The following TXNRD1 variants were observed in gnomAD, a reference collection of about 807,000 sequenced individuals.
TXNRD1 encodes thioredoxin reductase 1.
TXNRD1 carries 57 observed loss-of-function variants against 80.3 expected under a neutral mutation model. That is an observed-to-expected ratio of 0.71 (90% CI 0.57 to 0.89). TXNRD1 has a LOEUF of 0.89. Ranked by LOEUF, TXNRD1 falls within the 40% of genes least tolerant of loss-of-function variation. The probability of loss-of-function intolerance (pLI) is 0.00; values close to 1 mark genes in which losing one functional copy is unlikely to be tolerated. For missense variants in TXNRD1, 730 were observed against 803.0 expected (o/e 0.91, Z 1.10); for synonymous variants, 291 against 285.2 (o/e 1.02, Z -0.20).
intron 1 of TXNRD1, among the ~76,000 whole-genome samples, chr12:104,247,702 C>G (rs2033023500): frequency 6.6e-6 from 1 of 152,126 alleles, no homozygotes; most frequent in South Asian, 2.1e-4. Flanking sequence ...TCTTCTTAAT[C>G]ACAGAAGTTA....
chr12:104,235,658 A>T (rs986058738), intron 1 of TXNRD1, among the ~76,000 whole-genome samples: 2 of 152,162 alleles, frequency 1.3e-5, no homozygotes, highest in African/African-American at 4.8e-5. Context: ...AGCTGTAGAC[A>T]ATCTGGTGTG....
intron 4 of TXNRD1, among the ~76,000 whole-genome samples, chr12:104,289,981 G>C (rs929071121): frequency 6.6e-6 from 1 of 152,202 alleles, no homozygotes; most frequent in Admixed American, 6.5e-5. Context: ...CAGGACACCT[G>C]GGTGATGTTC....
At chr12:104,252,446 G>T (rs10861179) in intron 2 of TXNRD1, among the ~76,000 whole-genome samples, 101,457 of 150,728 alleles carry the variant, frequency 0.67, 34,713 homozygotes, top group Non-Finnish European at 0.74. Context: ...CAGCCAAGGG[G>T]AGGATTAGTT....
intron 3 of TXNRD1, among the ~76,000 whole-genome samples, chr12:104,258,836 A>G (rs546886478): frequency 6.6e-6 from 1 of 152,318 alleles, no homozygotes; most frequent in East Asian, 1.9e-4. Flanking sequence ...AGGCTGAGGC[A>G]GGAGGTTTGC....
At chr12:104,232,748 T>C (rs1487840267) in intron 1 of TXNRD1, among the ~76,000 whole-genome samples, 1 of 152,196 alleles carries the variant, frequency 6.6e-6, no homozygotes, top group Non-Finnish European at 1.5e-5. Context: ...TTTTCGGTGC[T>C]GCAAAGGAAA....
At chr12:104,237,568 G>C (rs922070471) in intron 1 of TXNRD1, among the ~76,000 whole-genome samples, 1 of 152,192 alleles carries the variant, frequency 6.6e-6, no homozygotes, top group African/African-American at 2.4e-5. Context: ...ACCCGGCCCT[G>C]TTCCTCCAAG....
intron 1 of TXNRD1, among the ~76,000 whole-genome samples, chr12:104,243,226 A>C (rs2032912190): frequency 1.3e-5 from 2 of 152,226 alleles, no homozygotes; most frequent in South Asian, 4.1e-4. Flanking sequence ...TATTAATTTC[A>C]ACACTAGAAA....
intron 3 of TXNRD1, among the ~76,000 whole-genome samples, chr12:104,281,407 TTTTTTTTTTTTC>T (rs1325136242): frequency 1.0e-4 from 8 of 79,806 alleles, no homozygotes; most frequent in African/African-American, 4.5e-4. Flanking sequence ...CACTTTTTTT[TTTTTTTTTTTTC>T]TTTTTGAGAT....
intron 6 of TXNRD1, 28 bp downstream of exon 6, chr12:104,313,345 A>G (rs765083167): frequency 2.0e-6 from 3 of 1,519,292 alleles, no homozygotes; most frequent in East Asian, 4.8e-5. Flanking sequence ...TCTAGAAGTG[A>G]TGTTGCCGAA....
chr12:104,290,720 C>CATATATAT (rs58669975), intron 4 of TXNRD1, among the ~76,000 whole-genome samples: 2,748 of 55,514 alleles, frequency 0.05, 237 homozygotes, highest in Non-Finnish European at 0.061. Flanking sequence ...AAGAAATATA[C>CATATATAT]ATATATATAT....
At chr12:104,310,101 T>C in intron 4 of TXNRD1, 1 of 1,513,214 alleles carries the variant, frequency 6.6e-7, no homozygotes. Flanking sequence ...TTTGGGCTGG[T>C]AAGTTTGGGG....
chr12:104,347,814 T>C (rs2036541476), intron 16 of TXNRD1, among the ~76,000 whole-genome samples: 1 of 152,156 alleles, frequency 6.6e-6, no homozygotes, highest in Non-Finnish European at 1.5e-5. Context: ...AATGGAAGAA[T>C]TAGCTATTTG....
chr12:104,287,346 G>A (rs748205032), intron 3 of TXNRD1: 3 of 1,614,022 alleles, frequency 1.9e-6, no homozygotes, highest in Non-Finnish European at 2.5e-6. Flanking sequence ...CATGTCATGT[G>A]GTAGGTGAGG....
At chr12:104,291,740 C>T (rs150388045) in intron 4 of TXNRD1, among the ~76,000 whole-genome samples, 4 of 152,308 alleles carry the variant, frequency 2.6e-5, no homozygotes, top group Non-Finnish European at 5.9e-5. Flanking sequence ...CTTCGGCCTT[C>T]CAAAGTGCTG....
chr12:104,342,926 G>A (rs1177970136), intron 16 of TXNRD1, among the ~76,000 whole-genome samples: 2 of 152,174 alleles, frequency 1.3e-5, no homozygotes, highest in African/African-American at 4.8e-5. Flanking sequence ...CGGAGGTGTG[G>A]CAGTGGAAAT....
intron 4 of TXNRD1, chr12:104,304,337 G>A (rs765172685): frequency 6.2e-7 from 1 of 1,614,040 alleles, no homozygotes; most frequent in Middle Eastern, 1.6e-4. Context: ...GATGGAAGGC[G>A]ATCCTGACAA....
chr12:104,305,095 T>A, intron 4 of TXNRD1: 1 of 757,910 alleles, frequency 1.3e-6, no homozygotes, highest in Non-Finnish European at 2.0e-6. Context: ...TCTTAGTAAT[T>A]TATAAGGTCA....
Position 104,331,556 on chromosome 12 carries a change from C to G in TXNRD1, c.1565C>G (p.Thr522Ser). The G allele has an allele frequency of 6.2e-7, 1 of 1,609,994 alleles. No individual in the cohort carries two copies. The highest frequency in any genetic ancestry group is 1.7e-5 in the Admixed American group (1 of 59,808). Residue 522 changes from threonine (T) to serine (S), a missense_variant, in exon 14 of 17, where the codon ACC (threonine) becomes AGC (serine). Coordinates refer to ENST00000525566, the MANE Select transcript of TXNRD1 (RefSeq NM_001093771.3). ...TVKCDYENVP[T>S]TVFTPLEYGA... ...CAGTGTGACTATGAAAATGTTCCAACCACTGTATTTACTCCTTTGGAATAT... is the reference window on the plus strand; with the variant it reads ...CAGTGTGACTATGAAAATGTTCCAAGCACTGTATTTACTCCTTTGGAATAT...
At chr12:104,217,325 T>TG (rs2135670238) in intron 1 of TXNRD1, among the ~76,000 whole-genome samples, 1 of 151,972 alleles carries the variant, frequency 6.6e-6, no homozygotes, top group African/African-American at 2.4e-5. Context: ...TTTGTTTTTT[T>TG]TTTTTTTTTA....
Sources: gnomAD v4.1 joint callset for allele counts (sites outside exome capture counted in the v4.1 genomes callset) on GRCh38, gnomAD v4.1.1 for gene constraint, MANE v1.5 for transcripts, NCBI Gene and HGNC (gene_info 2026-07-23, HGNC 2026-07-21) for gene names.